NHSL1: variants seen among roughly 807,000 people sequenced by gnomAD.
NHSL1 encodes NHS like 1.
A neutral mutation model predicts 95.0 loss-of-function variants in NHSL1; 48 were observed. That is an observed-to-expected ratio of 0.51 (90% CI 0.40 to 0.64). The LOEUF (loss-of-function observed/expected upper bound fraction) is 0.64, where lower values mean the gene tolerates loss of function less well. NHSL1 is among the 30% of genes least tolerant of loss of function. The pLI is 0.00. For synonymous variants in NHSL1, 783 were observed against 833.9 expected (o/e 0.94, Z 1.05); for missense variants, 1,971 against 2,077.7 (o/e 0.95, Z 1.00).
At chr6:138,445,237 T>C (rs1388420701) in intron 4 of NHSL1, among the ~76,000 whole-genome samples, 1 of 152,220 alleles carries the variant, frequency 6.6e-6, no homozygotes, top group Non-Finnish European at 1.5e-5. Flanking sequence ...TTGCACAATC[T>C]TCTTATCTTA....
At chr6:138,566,573 T>C (rs1423294999) in intron 1 of NHSL1, among the ~76,000 whole-genome samples, 1 of 150,598 alleles carries the variant, frequency 6.6e-6, no homozygotes, top group Non-Finnish European at 1.5e-5. Context: ...ACTCTTAAGA[T>C]ACTTTTCATA....
intron 1 of NHSL1, among the ~76,000 whole-genome samples, chr6:138,613,974 G>GT (rs1397119470): frequency 3.3e-5 from 5 of 152,156 alleles, no homozygotes; most frequent in Admixed American, 1.3e-4. Context: ...AATTTCTATG[G>GT]TAACAATATT....
chr6:138,572,848 TAG>T (rs1554253751), upstream of NHSL1, among the ~76,000 whole-genome samples: 137 of 5,200 alleles, frequency 0.026, 1 homozygote, highest in Middle Eastern at 0.083. Context: ...CTTAATACAG[TAG>T]ATAGATAGAT....
At position 138,423,925 on chromosome 6, in the gene NHSL1, G is replaced by A. The variant is rs141914411; in HGVS notation, c.*156C>T. The stretch of plus-strand genomic sequence containing the variant: ...AGTGCCAGGTGAGTCCTAAATAACC[G>A]TTCACTCACACTGCAGGGCTGGCAA... On this transcript the variant is annotated 3_prime_UTR_variant, in exon 8 of 8. Coordinates refer to ENST00000343505, the MANE Select transcript of NHSL1 (RefSeq NM_001144060.2). 113 of 613,740 alleles carry A rather than the reference G, an allele frequency of 1.8e-4. No individual in the cohort carries two copies. The Middle Eastern group carries it at 3.6e-3, about 19-fold the overall frequency. 38.0% of individuals were successfully genotyped at this position (613,740 alleles called of 1,614,324 possible).
intron 1 of NHSL1, among the ~76,000 whole-genome samples, chr6:138,638,450 C>T (rs1583461266): frequency 6.6e-6 from 1 of 151,968 alleles, no homozygotes; most frequent in Admixed American, 6.6e-5. Context: ...TCTCATGTAC[C>T]TCATAAACAT....
chr6:138,549,036 T>C (rs1035692253), upstream of NHSL1, among the ~76,000 whole-genome samples: 2 of 152,138 alleles, frequency 1.3e-5, no homozygotes, highest in African/African-American at 4.8e-5. Context: ...AGAATCAAGA[T>C]GAGATGATAC....
intron 3 of NHSL1, among the ~76,000 whole-genome samples, chr6:138,466,150 C>CT (rs1225608164): frequency 6.6e-6 from 1 of 151,990 alleles, no homozygotes; most frequent in Non-Finnish European, 1.5e-5. Context: ...CGCCATCCTC[C>CT]TGCCTCAGTC....
At chr6:138,473,173 C>T (rs1246203492) in intron 3 of NHSL1, 133 bp downstream of exon 3, 2 of 809,188 alleles carry the variant, frequency 2.5e-6, no homozygotes, top group Non-Finnish European at 3.4e-6. Flanking sequence ...TTTGTCAAAA[C>T]CAAGAAATTC....
At chr6:138,617,069 C>T (rs1784589433) in intron 1 of NHSL1, among the ~76,000 whole-genome samples, 1 of 152,146 alleles carries the variant, frequency 6.6e-6, no homozygotes, top group Non-Finnish European at 1.5e-5. Flanking sequence ...ATATGGTTCA[C>T]ATAAAGCAAT....
At chr6:138,585,334 T>C (rs1364033307) in intron 1 of NHSL1, among the ~76,000 whole-genome samples, 2 of 152,202 alleles carry the variant, frequency 1.3e-5, no homozygotes, top group African/African-American at 4.8e-5. Context: ...CACCCAAGTC[T>C]CACCTGTAAT....
chr6:138,689,094 C>G (rs1411701670), intron 1 of NHSL1, among the ~76,000 whole-genome samples: 2 of 152,286 alleles, frequency 1.3e-5, no homozygotes, highest in Admixed American at 6.5e-5. Context: ...TCCTTCCTCC[C>G]TAAGGTTTTT....
At chr6:138,463,421 A>G (rs1485164143) in intron 3 of NHSL1, among the ~76,000 whole-genome samples, 1 of 151,650 alleles carries the variant, frequency 6.6e-6, no homozygotes, top group African/African-American at 2.4e-5. Context: ...CCCCTTGCTC[A>G]GTGCCCACTT....
chr6:138,442,202 T>C (rs1254663494), intron 4 of NHSL1, 88 bp from the exon 5 acceptor site: 38 of 1,306,514 alleles, frequency 2.9e-5, no homozygotes, highest in Non-Finnish European at 3.8e-5. Context: ...TGTTGTAAAA[T>C]GATAAGAAGG....
intron 1 of NHSL1, among the ~76,000 whole-genome samples, chr6:138,511,894 C>T (rs945492132): frequency 1.3e-5 from 2 of 152,140 alleles, no homozygotes; most frequent in African/African-American, 2.4e-5. Flanking sequence ...GGCAATAGAG[C>T]GAGATCCTGT....
intron 1 of NHSL1, among the ~76,000 whole-genome samples, chr6:138,668,326 G>C (rs527802561): frequency 2.6e-5 from 4 of 152,016 alleles, no homozygotes; most frequent in Admixed American, 2.6e-4. Flanking sequence ...GCCTGTAGTC[G>C]CAACTACTAG....
chr6:138,571,569 A>G (rs544025038), intron 1 of NHSL1: 1 of 715,364 alleles, frequency 1.4e-6, no homozygotes, highest in African/African-American at 1.8e-5. Flanking sequence ...TAAACAAATG[A>G]CGCCGAATTC....
chr6:138,668,317 C>A (rs1785320606), intron 1 of NHSL1, among the ~76,000 whole-genome samples: 1 of 152,098 alleles, frequency 6.6e-6, no homozygotes, highest in Non-Finnish European at 1.5e-5. Context: ...GTGGCTCATG[C>A]CTGTAGTCGC....
At chr6:138,564,737 A>C (rs1399756310) in intron 1 of NHSL1, among the ~76,000 whole-genome samples, 1 of 152,204 alleles carries the variant, frequency 6.6e-6, no homozygotes, top group Admixed American at 6.5e-5. Flanking sequence ...AGTAAGCATA[A>C]GCCAGTGTAT....
At chr6:138,461,164 T>C (rs1777971545) in intron 3 of NHSL1, among the ~76,000 whole-genome samples, 1 of 152,162 alleles carries the variant, frequency 6.6e-6, no homozygotes, top group African/African-American at 2.4e-5. Flanking sequence ...AGTTTTTTTT[T>C]TGGAAATGTG....
Sources: allele counts gnomAD v4.1 joint callset (sites outside exome capture counted in the v4.1 genomes callset), GRCh38; gene constraint gnomAD v4.1.1; transcripts MANE v1.5; gene names NCBI Gene and HGNC (gene_info 2026-07-23, HGNC 2026-07-21).